Variants in ZNF423 observed in about 807,000 individuals in gnomAD.
ZNF423 encodes the protein Ebf-associated zinc finger protein.
ZNF423 carries 12 observed loss-of-function variants against 95.8 expected under a neutral mutation model. That is an observed-to-expected ratio of 0.13 (90% CI 0.08 to 0.20). The LOEUF (loss-of-function observed/expected upper bound fraction) is 0.20, where lower values mean the gene tolerates loss of function less well. ZNF423 is among the 10% of genes least tolerant of loss of function. The pLI, the probability that ZNF423 is intolerant of heterozygous loss-of-function variation, is 1.00. For synonymous variants in ZNF423, 749 were observed against 711.9 expected, an observed-to-expected ratio of 1.05 and a Z score of -0.83; for missense variants, 1,316 against 1,737.1, an observed-to-expected ratio of 0.76 and a Z score of 4.31.
intron 6 of ZNF423, 93 bp from the exon 7 acceptor site, chr16:49,523,832 C>T (rs1968500867): frequency 2.0e-6 from 2 of 1,001,914 alleles, no homozygotes; most frequent in East Asian, 2.4e-5. Context: ...GCAGGGATCA[C>T]TGTGGCATAG....
chr16:49,533,886 A>C (rs1262948217), intron 5 of ZNF423, among the ~76,000 whole-genome samples: 1 of 152,292 alleles, frequency 6.6e-6, no homozygotes, highest in Non-Finnish European at 1.5e-5. Context: ...CCCCCGGCAC[A>C]GTGGCTTACA....
At chr16:49,787,674 G>C (rs1474648323) in intron 2 of ZNF423, among the ~76,000 whole-genome samples, 1 of 152,200 alleles carries the variant, frequency 6.6e-6, no homozygotes, top group South Asian at 2.1e-4. Flanking sequence ...TCACTGCCTA[G>C]GGGATGCAGC....
chr16:49,666,246 G>A (rs770926006), intron 3 of ZNF423, among the ~76,000 whole-genome samples: 2 of 152,142 alleles, frequency 1.3e-5, no homozygotes, highest in Non-Finnish European at 2.9e-5. Context: ...GTTTTAACCC[G>A]CAGAGGAGGT....
At chr16:49,773,265 G>A (rs746661995) in intron 2 of ZNF423, among the ~76,000 whole-genome samples, 3 of 152,050 alleles carry the variant, frequency 2.0e-5, no homozygotes, top group Non-Finnish European at 4.4e-5. Flanking sequence ...ATTGCAGTGA[G>A]CCGAGATGCC....
rs1468855682 is a variant in ZNF423 at position 49,636,617 on chromosome 16, T to C, written c.2559A>G (p.Val853=). The C allele has an allele frequency of 2.5e-6, 4 of 1,613,420 alleles. No individual in the cohort carries two copies. Among genetic ancestry groups the C allele is most frequent in the Non-Finnish European group, 3.4e-6 (4 of 1,179,896 alleles). The change falls in exon 4 of 8, where the codon GTA becomes GTG. Residue 853 remains valine, a synonymous_variant. Coordinates refer to ENST00000563137, the MANE Select transcript of ZNF423 (RefSeq NM_001379286.1). This position sits in a 1 kb window ranked among gnomAD's most constrained non-coding sequence, Gnocchi z 8.6. ...CAGCTTTCTTGGTGGCCATTGGGGG[T>C]ACCCCATTGGCCGTGCCGTTCTCGG... ...AATENGTANG[V]PPMATKKAEP...
At chr16:49,856,778 G>C (rs1184078075), upstream of ZNF423, among the ~76,000 whole-genome samples, 1 of 147,872 alleles carries the variant, frequency 6.8e-6, no homozygotes, top group Non-Finnish European at 1.5e-5. Context: ...GCCTGCCCTC[G>C]GGCTGCGGTG....
At chr16:49,661,223 A>T (rs892341763) in intron 3 of ZNF423, among the ~76,000 whole-genome samples, 1 of 151,928 alleles carries the variant, frequency 6.6e-6, no homozygotes, top group Non-Finnish European at 1.5e-5. Flanking sequence ...ATCTCAAAAA[A>T]AAAAAAAAAA....
At chr16:49,509,764 A>T (rs573837034) in intron 7 of ZNF423, among the ~76,000 whole-genome samples, 1 of 152,298 alleles carries the variant, frequency 6.6e-6, no homozygotes, top group African/African-American at 2.4e-5. Flanking sequence ...ACACAAATGG[A>T]GTTCAGTAAC....
Position 49,637,075 on chromosome 16 carries a change from C to T in ZNF423, c.2101G>A (p.Val701Met), listed in dbSNP as rs748588025. ...AATTGCTTGTCGCAGCTCTCGCACACATAGTGGGTCGACGTGGTCATGTAA... is the reference window on the plus strand; with the variant it reads ...AATTGCTTGTCGCAGCTCTCGCACATATAGTGGGTCGACGTGGTCATGTAA... ...VHYMTTSTHY[V>M]CESCDKQFSS... Residue 701 changes from valine (V) to methionine (M), a missense_variant, in exon 4 of 8, where the codon GTG becomes ATG. Coordinates refer to ENST00000563137, the MANE Select transcript of ZNF423 (RefSeq NM_001379286.1). The surrounding 1 kb of genome is among the most constrained non-coding windows in gnomAD (Gnocchi z 5.6). The T allele has an allele frequency of 6.2e-7, 1 of 1,613,806 alleles. No homozygotes were observed. The highest frequency in any genetic ancestry group is 8.5e-7 in the Non-Finnish European group (1 of 1,180,034).
intron 2 of ZNF423, among the ~76,000 whole-genome samples, chr16:49,761,052 GCA>G (rs35910612): frequency 8.6e-5 from 13 of 150,836 alleles, no homozygotes; most frequent in Admixed American, 5.9e-4. Flanking sequence ...ACACATACAT[GCA>G]CACACACACA....
At position 49,674,672 on chromosome 16, in the gene ZNF423, C is replaced by T. The variant is rs115664574; in HGVS notation, c.302-35798G>A. Reference sequence around the variant, plus strand: ...CAAAGTGAAGGCACAGACCAAAGCCCGAGAGGCAGCCACGCAGTGCTGTGC... The same window carrying T: ...CAAAGTGAAGGCACAGACCAAAGCCTGAGAGGCAGCCACGCAGTGCTGTGC... On this transcript the variant is annotated intron_variant, in intron 3 of 7. Transcript: ENST00000563137. 6.9e-3 allele frequency among the ~76,000 whole-genome samples: 1,045 copies of T among 152,234 alleles called. 15 individuals carry two copies. Among genetic ancestry groups the T allele is most frequent in the African/African-American group, 0.024 (979 of 41,528 alleles).
rs374238677 is a variant in ZNF423 at position 49,589,598 on chromosome 16, G to A, written c.3601+36572C>T. On this transcript the variant is annotated intron_variant, in intron 5 of 7. Coordinates refer to ENST00000563137, the MANE Select transcript of ZNF423 (RefSeq NM_001379286.1). The stretch of plus-strand genomic sequence containing the variant: ...GGGGCTGATCAGCTGGTGGAGCAGC[G>A]AGAGGGAGAAGGGGAGGGGAATTCA... Among the ~76,000 whole-genome samples the A allele has an allele frequency of 1.3e-4, 20 of 152,240 alleles. 2 individuals are homozygous for A. The highest frequency in any genetic ancestry group is 4.6e-4 in the Admixed American group (7 of 15,300).
chr16:49,704,378 C>T (rs530000253), intron 3 of ZNF423, among the ~76,000 whole-genome samples: 1 of 152,282 alleles, frequency 6.6e-6, no homozygotes, highest in Non-Finnish European at 1.5e-5. Context: ...GGCTCTGACA[C>T]CTTTCTCCTT....
At chr16:49,633,552 G>T (rs1408015961) in intron 4 of ZNF423, among the ~76,000 whole-genome samples, 1 of 152,184 alleles carries the variant, frequency 6.6e-6, no homozygotes, top group Non-Finnish European at 1.5e-5. Flanking sequence ...ACTACCTCTG[G>T]CTTCGTAGTG....
Position 49,819,734 on chromosome 16 carries a change from C to T in ZNF423, c.41-30188G>A, listed in dbSNP as rs536577757. ...AAAGTGCTAGATTACAGGAATGAGC[C>T]CATCCATGAGTATCTGATTACAGAT... On this transcript the variant is annotated intron_variant, in intron 1 of 7. Transcript: ENST00000563137. Among the ~76,000 whole-genome samples, 20 of 152,168 alleles carry T rather than the reference C, an allele frequency of 1.3e-4. No individual in the cohort carries two copies. The South Asian group carries it at 3.9e-3, about 30-fold the overall frequency.
chr16:49,650,071 A>G (rs1390651976), intron 3 of ZNF423, among the ~76,000 whole-genome samples: 1 of 152,246 alleles, frequency 6.6e-6, no homozygotes, highest in East Asian at 1.9e-4. Flanking sequence ...TGGACATCTC[A>G]AAGACAGAGA....
intron 7 of ZNF423, among the ~76,000 whole-genome samples, chr16:49,501,848 G>A (rs902899553): frequency 3.4e-5 from 5 of 148,464 alleles, no homozygotes; most frequent in African/African-American, 1.2e-4. Flanking sequence ...CAGACATAAA[G>A]TTGGGAGCAA....
chr16:49,731,227 CTGGGGGCCGTG>C lies in ZNF423; in HGVS notation c.101-267_101-257del, dbSNP rs1448161745. 9 of 739,716 alleles carry C rather than the reference CTGGGGGCCGTG, an allele frequency of 1.2e-5. No individual in the cohort carries two copies. The African/African-American group carries it at 1.7e-4, about 14-fold the overall frequency. 45.8% of individuals were successfully genotyped at this position (739,716 alleles called of 1,614,324 possible). ...GTCATCTCCCCTCTGTGCACGGATG[CTGGGGGCCGTG>C]ACCCATCGGAGAGGTGAAAAACCTT... On this transcript the variant is annotated intron_variant, in intron 2 of 7. Coordinates refer to ENST00000563137, the MANE Select transcript of ZNF423 (RefSeq NM_001379286.1).
intron 5 of ZNF423, among the ~76,000 whole-genome samples, chr16:49,589,708 C>T (rs1970947829): frequency 6.6e-6 from 1 of 152,062 alleles, no homozygotes; most frequent in African/African-American, 2.4e-5. Flanking sequence ...TATATACAGG[C>T]TGCAGCACAC....
Sources: allele counts gnomAD v4.1 joint callset (sites outside exome capture counted in the v4.1 genomes callset), GRCh38; gene constraint gnomAD v4.1.1; non-coding constraint Gnocchi (gnomAD v3.1); transcripts MANE v1.5; gene names NCBI Gene and HGNC (gene_info 2026-07-23, HGNC 2026-07-21).